MEG3: variants seen among roughly 807,000 people sequenced by gnomAD.
MEG3 encodes the protein maternally expressed 3.
chr14:100,831,811 G>C (rs1386929763), downstream of MEG3: 1 of 152,178 alleles, frequency 6.6e-6, no homozygotes, highest in Non-Finnish European at 1.5e-5. Context: ...AAATTACTTA[G>C]TGCTGAGACC....
intron 1 of MEG3, among the ~76,000 whole-genome samples, chr14:100,826,952 G>T (rs1472920271): frequency 6.6e-6 from 1 of 151,816 alleles, no homozygotes; most frequent in Non-Finnish European, 1.5e-5. Context: ...GGGATTGGGG[G>T]CACTGGGAGA....
rs751680540 is a variant in MEG3 at position 100,845,092 on chromosome 14, C to T, written n.3046-366C>T. ...GCCATCCTGCTCGCCGACCTGGGCA[C>T]CTTGCTTCTGCCAGAGCACAGGTTC... On this transcript the variant is annotated intron_variant and non_coding_transcript_variant, in intron 2 of 3. Coordinates refer to the MEG3 transcript ENST00000398461. This position sits in a 1 kb window ranked among gnomAD's most constrained non-coding sequence, Gnocchi z 5.2. Among the ~76,000 whole-genome samples the T allele has an allele frequency of 2.8e-4, 43 of 152,200 alleles. No individual in the cohort carries two copies. The highest frequency in any genetic ancestry group is 3.5e-4 in the Non-Finnish European group (24 of 68,030).
intron 3 of MEG3, chr14:100,850,054 G>A (rs1469095236): frequency 6.6e-6 from 1 of 152,234 alleles, no homozygotes; most frequent in Non-Finnish European, 1.5e-5. Flanking sequence ...GTGACTAAAT[G>A]CGGGGAAGAA....
At chr14:100,835,022 G>C (rs1056533400) in exon 1 of MEG3, 1 of 355,478 alleles carries the variant, frequency 2.8e-6, no homozygotes, top group Non-Finnish European at 5.6e-6. Context: ...TCCCTTGATG[G>C]CCTCTGTGTC....
chr14:100,835,121 T>G (rs2037527001), exon 1 of MEG3: 2 of 324,930 alleles, frequency 6.2e-6, no homozygotes, highest in Non-Finnish European at 1.2e-5. Flanking sequence ...GAGGGCAGAT[T>G]CAAGCTATCC....
chr14:100,829,506 A>T (rs1172208420), downstream of MEG3: 2 of 152,228 alleles, frequency 1.3e-5, no homozygotes, highest in Admixed American at 6.5e-5. Flanking sequence ...CTCTCTGAAG[A>T]TCTTCCTATC....
exon 1 of MEG3, chr14:100,859,913 T>C (rs2038355324): frequency 6.6e-6 from 1 of 152,314 alleles, no homozygotes; most frequent in South Asian, 2.1e-4. Flanking sequence ...CGCAACCCCT[T>C]CTGACTGTGT....
chr14:100,848,427 T>A (rs1404747957), intron 3 of MEG3: 2 of 152,148 alleles, frequency 1.3e-5, no homozygotes, highest in Non-Finnish European at 2.9e-5. Flanking sequence ...AAAGAAAGAC[T>A]GAATGGATGC....
chr14:100,828,209 C>G (rs950269849), intron 1 of MEG3, among the ~76,000 whole-genome samples: 6 of 152,068 alleles, frequency 3.9e-5, no homozygotes, highest in African/African-American at 1.2e-4. Flanking sequence ...TGCTGCACTC[C>G]TGGGTTACGG....
exon 1 of MEG3, chr14:100,858,700 G>A (rs1595311826): frequency 1.3e-5 from 2 of 153,098 alleles, no homozygotes; most frequent in South Asian, 2.1e-4. Context: ...AAGCACCCAC[G>A]TGGGTCCCCT....
At chr14:100,834,654 G>T (rs1335813092) in exon 1 of MEG3, 3 of 455,928 alleles carry the variant, frequency 6.6e-6, no homozygotes, top group South Asian at 3.1e-5. Context: ...CCATCCCGGG[G>T]TGCCCTTGAC....
chr14:100,831,576 C>T (rs2037397300), downstream of MEG3: 1 of 152,532 alleles, frequency 6.6e-6, no homozygotes, highest in Non-Finnish European at 1.5e-5. Flanking sequence ...ATGTTTTCGG[C>T]TCATGGACAC....
downstream of MEG3, chr14:100,829,335 G>A (rs962165249): frequency 2.0e-5 from 3 of 152,242 alleles, no homozygotes; most frequent in African/African-American, 7.2e-5. Flanking sequence ...GACTGACTCT[G>A]TCATCACCCT....
At chr14:100,828,393 C>T (rs1489287384) in intron 1 of MEG3, among the ~76,000 whole-genome samples, 1 of 150,976 alleles carries the variant, frequency 6.6e-6, no homozygotes, top group Non-Finnish European at 1.5e-5. Context: ...CTCATTTCCT[C>T]GTCCCTCCTC....
At chr14:100,836,155 C>T (rs926778610) in intron 1 of MEG3, 5 of 447,918 alleles carry the variant, frequency 1.1e-5, no homozygotes, top group South Asian at 4.8e-5. Flanking sequence ...TAACTCTCTG[C>T]CCTTCCCCAA....
At chr14:100,847,120 AATAAT>A (rs2037941152) in intron 3 of MEG3, 1 of 152,200 alleles carries the variant, frequency 6.6e-6, no homozygotes, top group Admixed American at 6.5e-5. Context: ...GACTGATACA[AATAAT>A]ATATGCTCCT....
intron 3 of MEG3, chr14:100,846,717 G>T (rs1360088461): frequency 6.6e-6 from 1 of 152,128 alleles, no homozygotes; most frequent in South Asian, 2.1e-4. Context: ...TGGTTCATCC[G>T]CTTTGATGGC....
intron 1 of MEG3, chr14:100,835,933 G>A (rs74080162): frequency 3.4e-5 from 11 of 319,418 alleles, no homozygotes; most frequent in Middle Eastern, 1.1e-3. Flanking sequence ...AGAGTCCTGG[G>A]CTCTGCCCCG....
rs1008303630 is a variant in MEG3 at position 100,837,384 on chromosome 14, G to A, written n.3045+1084G>A. 6.6e-6 allele frequency among the ~76,000 whole-genome samples: 1 copy of A among 152,210 alleles called. No homozygotes were observed. Among genetic ancestry groups the A allele is most frequent in the Non-Finnish European group, 1.5e-5 (1 of 68,028 alleles). On this transcript the variant is annotated intron_variant and non_coding_transcript_variant, in intron 2 of 3. Coordinates refer to the MEG3 transcript ENST00000398461. The surrounding 1 kb of genome is among the most constrained non-coding windows in gnomAD (Gnocchi z 5.8). Reference sequence around the variant, plus strand: ...ATATGACGCCCCTGGGGTGGCCATTGTGGTGAATGAGTGCAGTTAGACTTC... The same window carrying A: ...ATATGACGCCCCTGGGGTGGCCATTATGGTGAATGAGTGCAGTTAGACTTC...
Sources: gnomAD v4.1 joint callset for allele counts (sites outside exome capture counted in the v4.1 genomes callset) on GRCh38, gnomAD v4.1.1 for gene constraint, Gnocchi (gnomAD v3.1) non-coding constraint, MANE v1.5 for transcripts, NCBI Gene and HGNC (gene_info 2026-07-23, HGNC 2026-07-21) for gene names.